Variants in ARHGAP25 observed in about 807,000 individuals in gnomAD.
ARHGAP25 encodes Rho GTPase activating protein 25, also known as rho GTPase-activating protein 25.
A neutral mutation model predicts 71.0 loss-of-function variants in ARHGAP25; 34 were observed. The ratio of observed to expected loss-of-function variants is 0.48; its 90% CI spans 0.36 to 0.64. The LOEUF (loss-of-function observed/expected upper bound fraction) is 0.64. Ranked by LOEUF, ARHGAP25 falls within the 30% of genes least tolerant of loss-of-function variation. ARHGAP25 has a pLI of 0.00. For synonymous variants in ARHGAP25, 282 were observed against 296.5 expected (o/e 0.95, Z 0.50); for missense variants, 706 against 805.1 (o/e 0.88, Z 1.49).
intron 2 of ARHGAP25, among the ~76,000 whole-genome samples, chr2:68,725,852 T>C (rs1674869977): frequency 6.6e-6 from 1 of 152,196 alleles, no homozygotes. Flanking sequence ...CTGGCAGAGC[T>C]CTTGCACTCA....
intron 3 of ARHGAP25, 66 bp downstream of exon 3, chr2:68,782,386 C>G: frequency 6.9e-7 from 1 of 1,444,802 alleles, no homozygotes; most frequent in Middle Eastern, 1.8e-4. Context: ...CTTCTGGACC[C>G]TAGAAGTCAA....
exon 2 of ARHGAP25, chr2:68,710,690 C>T (rs1364786456): frequency 6.6e-6 from 1 of 152,226 alleles, no homozygotes; most frequent in Non-Finnish European, 1.5e-5. Flanking sequence ...AAATATGTCT[C>T]TGCAGCAGGT....
intron 1 of ARHGAP25, among the ~76,000 whole-genome samples, chr2:68,750,403 A>G (rs1248567733): frequency 7.0e-6 from 1 of 142,684 alleles, no homozygotes; most frequent in Non-Finnish European, 1.5e-5. Flanking sequence ...GCTCACTGCA[A>G]CCTCTGCCTC....
At chr2:68,819,072 G>C (rs760085818) in intron 8 of ARHGAP25, 51 bp from the exon 9 acceptor site, 2 of 1,467,934 alleles carry the variant, frequency 1.4e-6, no homozygotes, top group Non-Finnish European at 1.8e-6. Context: ...CTTGAGGACT[G>C]ACTACCTGCC....
At chr2:68,815,182 C>A (rs1358412457) in intron 6 of ARHGAP25, among the ~76,000 whole-genome samples, 1 of 152,216 alleles carries the variant, frequency 6.6e-6, no homozygotes, top group African/African-American at 2.4e-5. Flanking sequence ...TGTCTACACA[C>A]AGGGACCAAG....
intron 4 of ARHGAP25, among the ~76,000 whole-genome samples, chr2:68,796,203 A>G (rs1428259689): frequency 6.6e-6 from 1 of 152,090 alleles, no homozygotes; most frequent in Non-Finnish European, 1.5e-5. Context: ...AAAGATATCT[A>G]TCTTCTTGGT....
chr2:68,720,540 A>G (rs115116144), intron 2 of ARHGAP25, among the ~76,000 whole-genome samples: 1,888 of 152,236 alleles, frequency 0.012, 31 homozygotes, highest in African/African-American at 0.035. Context: ...CCTGATTCCC[A>G]AAGTCCTACA....
At chr2:68,757,817 A>G (rs564346421) in intron 1 of ARHGAP25, 1 of 152,232 alleles carries the variant, frequency 6.6e-6, no homozygotes, top group East Asian at 1.9e-4. Context: ...TTTAAGGGGC[A>G]ATCATTTTAA....
At position 68,758,790 on chromosome 2, in the gene ARHGAP25, A is replaced by G. The variant is rs80137712; in HGVS notation, c.62-16431A>G. ...AGACATATACAGAACACTCTATCCA[A>G]CAACAAAATACACATTCTTGTCAAG... On this transcript the variant is annotated intron_variant, in intron 1 of 10. Transcript: ENST00000409202. 3.3e-3 allele frequency among the ~76,000 whole-genome samples: 503 copies of G among 152,018 alleles called. 2 individuals carry two copies. The highest frequency in any genetic ancestry group is 0.011 in the African/African-American group (476 of 41,554).
intron 1 of ARHGAP25, chr2:68,774,904 C>T: frequency 7.3e-7 from 1 of 1,369,780 alleles, no homozygotes; most frequent in Non-Finnish European, 9.4e-7. Context: ...TGGCCACTTC[C>T]TCTTCAGAAG....
chr2:68,823,303 T>G (rs969872539), intron 10 of ARHGAP25, among the ~76,000 whole-genome samples: 1 of 151,906 alleles, frequency 6.6e-6, no homozygotes, highest in Admixed American at 6.6e-5. Flanking sequence ...ACAGAACTTC[T>G]AGTGGGGACA....
At chr2:68,724,430 A>G (rs909977393) in intron 2 of ARHGAP25, among the ~76,000 whole-genome samples, 1 of 152,134 alleles carries the variant, frequency 6.6e-6, no homozygotes, top group Non-Finnish European at 1.5e-5. Context: ...CAGCTGCCTC[A>G]CTGGGGAAGC....
At chr2:68,807,656 A>G (rs759899333) in intron 5 of ARHGAP25, among the ~76,000 whole-genome samples, 176 bp downstream of exon 5, 1 of 152,202 alleles carries the variant, frequency 6.6e-6, no homozygotes, top group Non-Finnish European at 1.5e-5. Flanking sequence ...AGACGGGAGC[A>G]CAGTTAGGAG....
At chr2:68,738,554 T>A (rs190319413) in intron 1 of ARHGAP25, among the ~76,000 whole-genome samples, 69 of 152,298 alleles carry the variant, frequency 4.5e-4, no homozygotes, top group African/African-American at 1.6e-3. Context: ...GTGGTCTGTT[T>A]GCTGTGCCCA....
chr2:68,753,529 G>A (rs890485797), intron 1 of ARHGAP25, among the ~76,000 whole-genome samples: 1 of 152,240 alleles, frequency 6.6e-6, no homozygotes, highest in Non-Finnish European at 1.5e-5. Context: ...AGTTGAAGCA[G>A]TGTGGGTTTG....
intron 1 of ARHGAP25, among the ~76,000 whole-genome samples, chr2:68,759,552 A>T (rs752963343): frequency 1.3e-5 from 2 of 151,958 alleles, no homozygotes; most frequent in East Asian, 3.8e-4. Context: ...AGTTTAGAAA[A>T]GAATAAAATC....
intron 1 of ARHGAP25, among the ~76,000 whole-genome samples, chr2:68,757,060 G>A (rs1038840912): frequency 6.6e-6 from 1 of 152,072 alleles, no homozygotes; most frequent in Non-Finnish European, 1.5e-5. Flanking sequence ...AGGCAGATTT[G>A]AGCAGGCAGA....
upstream of ARHGAP25, among the ~76,000 whole-genome samples, chr2:68,733,679 C>A (rs72828875): frequency 1.3e-5 from 2 of 152,090 alleles, no homozygotes; most frequent in Non-Finnish European, 2.9e-5. Flanking sequence ...AGCTTGTGGA[C>A]ATTCTCTTTC....
intron 4 of ARHGAP25, among the ~76,000 whole-genome samples, chr2:68,794,854 G>T (rs1280266041): frequency 6.6e-6 from 1 of 152,086 alleles, no homozygotes; most frequent in Non-Finnish European, 1.5e-5. Flanking sequence ...GTTGGTATTA[G>T]AACTTCTTTG....
Sources: gnomAD v4.1 joint callset for allele counts (sites outside exome capture counted in the v4.1 genomes callset) on GRCh38, gnomAD v4.1.1 for gene constraint, MANE v1.5 for transcripts, NCBI Gene and HGNC (gene_info 2026-07-23, HGNC 2026-07-21) for gene names.